Variants in DMPK observed in about 807,000 individuals in gnomAD.
DMPK encodes myotonin-protein kinase.
A neutral mutation model predicts 70.3 loss-of-function variants in DMPK; 32 were observed. That is an observed-to-expected ratio of 0.46 (90% CI 0.34 to 0.61). The LOEUF is 0.61. Ranked by LOEUF, DMPK falls within the 20% of genes least tolerant of loss-of-function variation. DMPK has a pLI of 0.01. For missense variants in DMPK, 899 were observed against 886.0 expected (o/e 1.01, Z -0.19); for synonymous variants, 469 against 390.9 (o/e 1.20, Z -2.36).
rs1969685214 is a variant in DMPK at position 45,774,805 on chromosome 19, C to T, written c.1232+144G>A. ...ATAGATCTGAAAATTTAAGGTCCTC[C>T]AACTCTGGCCTCTTAGGAGTCTTTG... On this transcript the variant is annotated intron_variant, in intron 9 of 14. Transcript: ENST00000291270. 6 of 611,770 alleles carry T rather than the reference C, an allele frequency of 9.8e-6. No homozygotes were observed. In the South Asian group the frequency reaches 1.2e-4, roughly 12 times the overall value. The allele number at this position is 611,770 out of a possible 1,614,324, so 37.9% of individuals were successfully genotyped here.
At chr19:45,770,950 G>A (rs1013827655) in intron 14 of DMPK, 21 bp downstream of exon 14, 2 of 1,410,596 alleles carry the variant, frequency 1.4e-6, no homozygotes, top group South Asian at 1.5e-5. Context: ...GGCGGAGGGG[G>A]GCGTGGGCAG....
rs776619322 is a variant in DMPK at position 45,777,307 on chromosome 19, C to T, written c.1146+20G>A. 9.1e-6 allele frequency: 14 copies of T among 1,542,398 alleles called. No homozygotes were observed. In the East Asian group the frequency reaches 3.2e-4, roughly 35 times the overall value. ...GCATGGGGAGGTTCCCGCAGCCGAG[C>T]AGGGGCCACAGGTACCTACCCCGCC... is the stretch of plus-strand genomic sequence containing the variant. On this transcript the variant is annotated intron_variant, in intron 8 of 14. Coordinates refer to ENST00000291270, the MANE Select transcript of DMPK (RefSeq NM_004409.5). The surrounding 1 kb of genome is among the most constrained non-coding windows in gnomAD (Gnocchi z 6.7).
Position 45,774,981 on chromosome 19 carries a change from A to G in DMPK, c.1200T>C (p.Phe400=), listed in dbSNP as rs773325557. 1.2e-6 allele frequency: 2 copies of G among 1,614,012 alleles called. No individual in the cohort carries two copies. Among genetic ancestry groups the G allele is most frequent in the Non-Finnish European group, 1.7e-6 (2 of 1,179,996 alleles). ...CCATGCAGGAGTAGGAGTAGCCCACAAAAGGCAGGTGGACCCCTAGCGGCG... is the reference window on the plus strand; with the variant it reads ...CCATGCAGGAGTAGGAGTAGCCCACGAAAGGCAGGTGGACCCCTAGCGGCG... ...EGAPLGVHLP[F]VGYSYSCMAL... is the part of the protein sequence containing the mutation. Residue 400 remains phenylalanine (F), a synonymous_variant, in exon 9 of 15, where the codon TTT becomes TTC. Coordinates refer to ENST00000291270, the MANE Select transcript of DMPK (RefSeq NM_004409.5).
intron 4 of DMPK, chr19:45,779,050 G>A (rs1358452390): frequency 5.0e-6 from 3 of 605,766 alleles, no homozygotes; most frequent in Non-Finnish European, 8.8e-6. Flanking sequence ...GAGTCCCCCA[G>A]ATCACCCCAG....
rs1318177611 is a variant in DMPK, at chr19:45,771,947, C to T, written c.1345-19G>A. On this transcript the variant is annotated intron_variant, in intron 10 of 14. Transcript: ENST00000291270. ...CTTCAGCCTGTGTATGGGGACCAGG[C>T]TTAAGGCTGCCTGTGGCTCCTGGAA... is the stretch of plus-strand genomic sequence containing the variant. The T allele has an allele frequency of 6.4e-7, 1 of 1,553,642 alleles. No individual in the cohort carries two copies.
intron 10 of DMPK, chr19:45,772,409 TC>T: frequency 2.3e-6 from 1 of 428,498 alleles, no homozygotes; most frequent in Non-Finnish European, 4.1e-6. Context: ...TCACCAGCGC[TC>T]AGCTCAAAGA....
chr19:45,780,924 G>A (rs1165713158), intron 1 of DMPK, among the ~76,000 whole-genome samples: 3 of 152,010 alleles, frequency 2.0e-5, no homozygotes, highest in Admixed American at 6.6e-5. Flanking sequence ...TGCTCCTCCC[G>A]GGAGCGCCAG....
chr19:45,780,336 T>G, intron 1 of DMPK: 1 of 1,542,588 alleles, frequency 6.5e-7, no homozygotes. Flanking sequence ...TAGATTCAGA[T>G]GCAGGTGGTT....
At position 45,770,608 on chromosome 19, in the gene DMPK, G is replaced by A; in HGVS notation, c.1770C>T (p.Ser590=). ...VPRPGLSEAL[S]LLLFAVVLSR... is the part of the protein sequence containing the mutation. Reference sequence around the variant, plus strand: ...ACAGAACAACGGCGAACAGGAGCAGGGAAAGCGCCTCCGATAGGCCAGGCC... The same window carrying A: ...ACAGAACAACGGCGAACAGGAGCAGAGAAAGCGCCTCCGATAGGCCAGGCC... The change falls in exon 15 of 15, where the codon TCC becomes TCT. Residue 590 remains serine, a synonymous_variant. Transcript: ENST00000291270. The A allele has an allele frequency of 5.2e-6, 8 of 1,552,968 alleles. No individual in the cohort carries two copies. Among genetic ancestry groups the A allele is most frequent in the Middle Eastern group, 1.7e-4 (1 of 5,996 alleles).
intron 12 of DMPK, 77 bp from the exon 13 acceptor site, chr19:45,771,473 T>C: frequency 6.2e-7 from 1 of 1,609,554 alleles, no homozygotes; most frequent in South Asian, 1.1e-5. Flanking sequence ...CCAGCGTGGG[T>C]CCCTTCCCTC....
intron 9 of DMPK, among the ~76,000 whole-genome samples, chr19:45,773,801 T>C (rs1480804439): frequency 6.6e-6 from 1 of 152,028 alleles, no homozygotes; most frequent in African/African-American, 2.4e-5. Context: ...CCACCATGCC[T>C]GGCACGATTT....
At chr19:45,770,852 C>A in intron 14 of DMPK, 119 bp downstream of exon 14, 1 of 997,820 alleles carries the variant, frequency 1.0e-6, no homozygotes, top group South Asian at 1.7e-5. Context: ...GATTGGCTGC[C>A]CGAAGATCCG....
In DMPK at chr19:45,772,663, G is replaced by C. The variant is rs773866262; in HGVS notation, c.1322C>G (p.Ser441Trp). ...TACTGTTTCATCCTGTGGGGACACC[G>C]AGGGCTCCAGGCTGGGCGCTTGCAC... ...PHVQAPSLEP[S>W]VSPQDETAEV... Residue 441 changes from serine (S) to tryptophan (W), a missense_variant, in exon 10 of 15, where the codon TCG (serine) becomes TGG (tryptophan). By Grantham distance (177) the Ser-to-Trp change is radical (BLOSUM62 -3). Transcript: ENST00000291270. 2 of 1,541,230 alleles carry C rather than the reference G, an allele frequency of 1.3e-6. No homozygotes were observed. Among genetic ancestry groups the C allele is most frequent in the Non-Finnish European group, 1.7e-6 (2 of 1,152,948 alleles).
At position 45,777,185 on chromosome 19, in the gene DMPK, C is replaced by A; in HGVS notation, c.1146+142G>T. 3.3e-6 allele frequency: 4 copies of A among 1,230,424 alleles called. No homozygotes were observed. In the South Asian group the frequency reaches 6.4e-5, roughly 20 times the overall value. 76.2% of individuals were successfully genotyped at this position (1,230,424 alleles called of 1,614,324 possible). A position where few individuals can be genotyped will look rare whatever the true frequency, so the allele number is the denominator to read the frequency against. ...TGTAAGTCTAGGTCACTGCTGGGTC[C>A]TCAGTAGTAGATGGGCACAGAGCAG... On this transcript the variant is annotated intron_variant, in intron 8 of 14. Coordinates refer to ENST00000291270, the MANE Select transcript of DMPK (RefSeq NM_004409.5). The surrounding 1 kb of genome is among the most constrained non-coding windows in gnomAD (Gnocchi z 6.7).
rs923917388 is a variant in DMPK at position 45,779,687 on chromosome 19, C to T, written c.252+91G>A. The T allele has an allele frequency of 3.9e-6, 6 of 1,532,406 alleles. No individual in the cohort carries two copies. The Admixed American group carries it at 8.0e-5, about 21-fold the overall frequency. 94.9% of individuals were successfully genotyped at this position (1,532,406 alleles called of 1,614,324 possible). On this transcript the variant is annotated intron_variant, in intron 2 of 14. Coordinates refer to ENST00000291270, the MANE Select transcript of DMPK (RefSeq NM_004409.5). ...TCCAGCCCAGCCCTAGGTTCTAAGGCTCGGTCATTCATCAATTTCTAAGGC... is the reference window on the plus strand; with the variant it reads ...TCCAGCCCAGCCCTAGGTTCTAAGGTTCGGTCATTCATCAATTTCTAAGGC...
chr19:45,776,300 C>T lies in DMPK; in HGVS notation c.1146+1027G>A, dbSNP rs1472314810. Among the ~76,000 whole-genome samples the T allele has an allele frequency of 2.3e-4, 25 of 107,834 alleles. 8 individuals are homozygous for T. The East Asian group carries it at 6.5e-3, about 28-fold the overall frequency. 70.7% of individuals were successfully genotyped at this position (107,834 alleles called of 152,430 possible). A position where few individuals can be genotyped will look rare whatever the true frequency, so the allele number is the denominator to read the frequency against. ...CTGGGACTACAGGCGCCCGCCACCA[C>T]GCCTGGCTAATTTTTTGTATTTTTA... On this transcript the variant is annotated intron_variant, in intron 8 of 14. Transcript: ENST00000291270.
intron 2 of DMPK, 111 bp from the exon 3 acceptor site, chr19:45,779,633 C>T: frequency 6.4e-7 from 1 of 1,559,086 alleles, no homozygotes; most frequent in Non-Finnish European, 8.7e-7. Context: ...CCACCTGCCA[C>T]ACCACGCCCA....
At position 45,777,674 on chromosome 19, in the gene DMPK, T is replaced by C. The variant is rs962168090; in HGVS notation, c.875A>G (p.His292Arg). The part of the protein sequence containing the change: ...STAETYGKIV[H>R]YKEHLSLPLV... ...CCCTGCGGCCGTGCTCACCTTGTAG[T>C]GGACGATCTTGCCATAGGTCTCCGC... is the stretch of plus-strand genomic sequence containing the variant. The change falls in exon 7 of 15, where the codon CAC becomes CGC. Residue 292 changes from histidine (H) to arginine (R), a missense_variant. Physicochemically the swap from His to Arg is conservative, Grantham distance 29. This residue lies in a region of DMPK where 555 missense variants were observed against 483.8 expected (regional missense o/e 1.15). Coordinates refer to ENST00000291270, the MANE Select transcript of DMPK (RefSeq NM_004409.5). The surrounding 1 kb of genome is among the most constrained non-coding windows in gnomAD (Gnocchi z 6.7). 2.0e-5 allele frequency: 33 copies of C among 1,613,968 alleles called. No individual in the cohort carries two copies. The highest frequency in any genetic ancestry group is 2.6e-5 in the Non-Finnish European group (31 of 1,180,028).
At position 45,770,599 on chromosome 19, in the gene DMPK, CAGG is replaced by C. The variant is rs1250603125; in HGVS notation, c.1776_1778del (p.Leu593del). On this transcript the variant is annotated inframe_deletion, in exon 15 of 15. Transcript: ENST00000291270. Reference sequence around the variant, plus strand: ...CGGCACGAGACAGAACAACGGCGAACAGGAGCAGGGAAAGCGCCTCCGATAGGC... The same window carrying C: ...CGGCACGAGACAGAACAACGGCGAACAGCAGGGAAAGCGCCTCCGATAGGC... 1.0e-5 allele frequency: 16 copies of C among 1,552,894 alleles called. No homozygotes were observed. Among genetic ancestry groups the C allele is most frequent in the African/African-American group, 5.5e-5 (4 of 73,118 alleles).
Sources: gnomAD v4.1 joint callset for allele counts (sites outside exome capture counted in the v4.1 genomes callset) on GRCh38, gnomAD v4.1.1 for gene constraint, gnomAD v4.1.1 regional missense constraint, Gnocchi (gnomAD v3.1) non-coding constraint, MANE v1.5 for transcripts, NCBI Gene and HGNC (gene_info 2026-07-23, HGNC 2026-07-21) for gene names.